DISC1: variants seen among roughly 807,000 people sequenced by gnomAD.
DISC1 encodes DISC1 scaffold protein.
DISC1 carries 57 observed loss-of-function variants against 84.5 expected under a neutral mutation model. The ratio of observed to expected loss-of-function variants is 0.67; its 90% CI spans 0.55 to 0.84. The LOEUF (loss-of-function observed/expected upper bound fraction) is 0.84, where lower values mean the gene tolerates loss of function less well. DISC1 is among the 40% of genes least tolerant of loss of function. The pLI is 0.00. For synonymous variants in DISC1, 411 were observed against 415.2 expected (o/e 0.99, Z 0.12); for missense variants, 1,000 against 1,057.8 (o/e 0.95, Z 0.76).
At chr1:231,642,258 C>T (rs577640375) in intron 1 of DISC1, among the ~76,000 whole-genome samples, 2 of 152,330 alleles carry the variant, frequency 1.3e-5, no homozygotes, top group African/African-American at 4.8e-5. Context: ...AAGCACCGCG[C>T]GCAGCCCCCG....
rs560113324 is a variant in DISC1, at chr1:231,973,452, C to CCTT, written c.2042+14565_2042+14566insTTC. 7.9e-5 allele frequency among the ~76,000 whole-genome samples: 12 copies of CCTT among 152,326 alleles called. No individual in the cohort carries two copies. The South Asian group carries it at 1.9e-3, about 24-fold the overall frequency. ...AAGTTGAGGGACAGGGCTTACTGGT[C>CCTT]CAAGAGTAACTTCAGGCAGGGAAGC... On this transcript the variant is annotated intron_variant, in intron 10 of 12. Transcript: ENST00000439617.
rs1160211945 is a variant in DISC1, at chr1:231,780,249, AAAG to A, written c.1634+9182_1634+9184del. 6.1e-3 allele frequency among the ~76,000 whole-genome samples: 915 copies of A among 150,994 alleles called. 8 individuals carry two copies. Among genetic ancestry groups the A allele is most frequent in the African/African-American group, 0.021 (845 of 41,132 alleles). ...ACTTAAAGTATAATAAAAAAAAAAA[AAAG>A]AAAAGGAAAGAATGAAAAAAAAAAG... On this transcript the variant is annotated intron_variant, in intron 6 of 12. Transcript: ENST00000439617.
intron 1 of DISC1, among the ~76,000 whole-genome samples, chr1:231,681,050 G>A (rs184185248): frequency 6.6e-6 from 1 of 152,324 alleles, no homozygotes; most frequent in Admixed American, 6.5e-5. Context: ...TATTAGGGCA[G>A]CAGTTAAAAA....
At chr1:231,964,328 C>T (rs1660795946) in intron 10 of DISC1, among the ~76,000 whole-genome samples, 1 of 152,244 alleles carries the variant, frequency 6.6e-6, no homozygotes, top group Non-Finnish European at 1.5e-5. Context: ...TCCAGCCATG[C>T]TGACGTTGCA....
At chr1:231,917,182 T>G (rs1471004829) in intron 9 of DISC1, among the ~76,000 whole-genome samples, 1 of 152,200 alleles carries the variant, frequency 6.6e-6, no homozygotes, top group East Asian at 1.9e-4. Context: ...CCAATGCTCC[T>G]TCCACTTCCT....
chr1:231,750,016 G>C lies in DISC1; in HGVS notation c.1208G>C (p.Ser403Thr). The change falls in exon 4 of 13, where the codon AGT becomes ACT. Residue 403 changes from serine (S) to threonine (T), a missense_variant. Coordinates refer to ENST00000439617, the MANE Select transcript of DISC1 (RefSeq NM_018662.3). ...QLPSRQPALS[S>T]FLGHLAAQVQ... ...CCTTCAAGGCAGCCAGCTCTTAGCA[G>C]TTTCCTGGGTCACCTGGCAGCACAA... 1.2e-6 allele frequency: 2 copies of C among 1,614,230 alleles called. No homozygotes were observed. Among genetic ancestry groups the C allele is most frequent in the Non-Finnish European group, 1.7e-6 (2 of 1,180,032 alleles).
intron 12 of DISC1, among the ~76,000 whole-genome samples, chr1:232,028,083 A>G (rs1369253244): frequency 6.6e-6 from 1 of 152,170 alleles, no homozygotes; most frequent in Non-Finnish European, 1.5e-5. Flanking sequence ...TTAAGCTATT[A>G]TCAGAAAGTT....
intron 9 of DISC1, among the ~76,000 whole-genome samples, chr1:231,890,824 C>A (rs192850105): frequency 1.3e-5 from 2 of 152,340 alleles, no homozygotes; most frequent in Non-Finnish European, 2.9e-5. Flanking sequence ...GATCATTCCT[C>A]CTGAGAATGT....
intron 1 of DISC1, among the ~76,000 whole-genome samples, chr1:231,679,165 C>G (rs963344117): frequency 2.6e-5 from 4 of 152,250 alleles, no homozygotes; most frequent in African/African-American, 7.2e-5. Flanking sequence ...CCTTTGACTT[C>G]CAGTCCTTGA....
intron 9 of DISC1, among the ~76,000 whole-genome samples, chr1:231,847,270 G>A (rs2083518435): frequency 6.6e-6 from 1 of 151,972 alleles, no homozygotes. Context: ...TAGGGATGCC[G>A]ATCAGACTGG....
At chr1:231,643,786 A>G (rs2059916656) in intron 1 of DISC1, among the ~76,000 whole-genome samples, 5 of 152,182 alleles carry the variant, frequency 3.3e-5, no homozygotes, top group Admixed American at 3.3e-4. Flanking sequence ...AGCAAACGGT[A>G]GCATATTACA....
chr1:231,788,456 T>C (rs1166681059), intron 6 of DISC1, among the ~76,000 whole-genome samples: 1 of 152,174 alleles, frequency 6.6e-6, no homozygotes, highest in Admixed American at 6.5e-5. Flanking sequence ...TTTCCCCTTT[T>C]ATAAGGACAC....
chr1:231,858,078 A>G (rs908211965), intron 9 of DISC1, among the ~76,000 whole-genome samples: 3 of 152,244 alleles, frequency 2.0e-5, no homozygotes, highest in African/African-American at 7.2e-5. Flanking sequence ...GCATCCAAGC[A>G]AACAACCACT....
intron 5 of DISC1, among the ~76,000 whole-genome samples, chr1:231,767,726 G>A (rs1174156564): frequency 1.3e-5 from 2 of 152,218 alleles, no homozygotes; most frequent in African/African-American, 4.8e-5. Flanking sequence ...TGACTAGAAG[G>A]CTTGTAGGAA....
intron 1 of DISC1, among the ~76,000 whole-genome samples, chr1:231,679,677 C>T (rs561288016): frequency 2.6e-5 from 4 of 152,254 alleles, no homozygotes; most frequent in South Asian, 4.1e-4. Context: ...CAAGAAGAGA[C>T]GAGAATTCTT....
At chr1:231,834,079 T>G (rs1400555730) in intron 9 of DISC1, among the ~76,000 whole-genome samples, 1 of 152,096 alleles carries the variant, frequency 6.6e-6, no homozygotes, top group Non-Finnish European at 1.5e-5. Flanking sequence ...CTATCTGATT[T>G]GGGATAAAGA....
chr1:231,797,155 A>G (rs1255110749), intron 7 of DISC1, among the ~76,000 whole-genome samples: 1 of 152,148 alleles, frequency 6.6e-6, no homozygotes, highest in Admixed American at 6.6e-5. Flanking sequence ...CTGTACACCA[A>G]CGTTGAGGAT....
At chr1:231,765,917 G>A (rs1285312553) in intron 4 of DISC1, among the ~76,000 whole-genome samples, 1 of 151,922 alleles carries the variant, frequency 6.6e-6, no homozygotes, top group Admixed American at 6.6e-5. Flanking sequence ...GCCCTGTTTG[G>A]ATAGTCCAAG....
intron 7 of DISC1, among the ~76,000 whole-genome samples, chr1:231,799,757 G>A (rs1186373720): frequency 6.7e-6 from 1 of 150,152 alleles, no homozygotes; most frequent in African/African-American, 2.5e-5. Flanking sequence ...TTGGATGTGG[G>A]GTGATGATGG....
Sources: allele counts gnomAD v4.1 joint callset (sites outside exome capture counted in the v4.1 genomes callset), GRCh38; gene constraint gnomAD v4.1.1; transcripts MANE v1.5; gene names NCBI Gene and HGNC (gene_info 2026-07-23, HGNC 2026-07-21).